The following ROCK2 variants were observed in gnomAD, a reference collection of about 807,000 sequenced individuals.
ROCK2 encodes Rho associated coiled-coil containing protein kinase 2.
ROCK2 carries 61 observed loss-of-function variants against 195.1 expected under a neutral mutation model. The ratio of observed to expected loss-of-function variants is 0.31; its 90% CI spans 0.25 to 0.39. ROCK2 has a LOEUF of 0.39. Ranked by LOEUF, ROCK2 falls within the 10% of genes least tolerant of loss-of-function variation. The pLI, the probability that ROCK2 is intolerant of heterozygous loss-of-function variation, is 1.00. For missense variants in ROCK2, 1,109 were observed against 1,637.4 expected (o/e 0.68, Z 5.57); for synonymous variants, 504 against 545.5 (o/e 0.92, Z 1.06).
chr2:11,221,892 C>T (rs1315544341), intron 8 of ROCK2, among the ~76,000 whole-genome samples, 191 bp downstream of exon 8: 8 of 152,040 alleles, frequency 5.3e-5, no homozygotes, highest in Non-Finnish European at 8.8e-5. Context: ...AGAAATATTG[C>T]TAATAGTTTG....
chr2:11,248,234 G>T (rs1163274210), intron 4 of ROCK2, among the ~76,000 whole-genome samples: 1 of 149,800 alleles, frequency 6.7e-6, no homozygotes, highest in African/African-American at 2.5e-5. Flanking sequence ...TGGGGGGAGG[G>T]GAATCTGAAC....
At chr2:11,305,732 C>T (rs1260283017) in intron 1 of ROCK2, among the ~76,000 whole-genome samples, 1 of 152,186 alleles carries the variant, frequency 6.6e-6, no homozygotes, top group Non-Finnish European at 1.5e-5. Context: ...TAGAGCTATA[C>T]ATACACAATG....
At chr2:11,184,699 C>T in intron 32 of ROCK2, 1 of 982,762 alleles carries the variant, frequency 1.0e-6, no homozygotes, top group African/African-American at 1.7e-5. Context: ...AAAACATCGT[C>T]ATCATCATCA....
chr2:11,216,170 C>A lies in ROCK2; in HGVS notation c.1449G>T (p.Glu483Asp). Reference protein sequence around the residue: ...VNTRLEKTAKELEEEITLRKS... With the variant: ...VNTRLEKTAKDLEEEITLRKS... ...GGGGCAACTTTACCTCCTCTTCTAG[C>A]TCCTTTGCTGTTTTTTCTAGGCGAG... The change falls in exon 13 of 33, where the codon GAG (glutamate) becomes GAT (aspartate). Residue 483 changes from glutamate (E) to aspartate (D), a missense_variant. Coordinates refer to ENST00000315872, the MANE Select transcript of ROCK2 (RefSeq NM_004850.5). 6.2e-7 allele frequency: 1 copy of A among 1,612,986 alleles called. No individual in the cohort carries two copies. The highest frequency in any genetic ancestry group is 8.5e-7 in the Non-Finnish European group (1 of 1,179,132).
intron 1 of ROCK2, among the ~76,000 whole-genome samples, chr2:11,328,150 T>C (rs572190599): frequency 6.6e-6 from 1 of 151,944 alleles, no homozygotes; most frequent in African/African-American, 2.4e-5. Flanking sequence ...CCACCAAGAC[T>C]TTGTCTTACT....
chr2:11,313,283 C>G (rs1445998566), intron 1 of ROCK2, among the ~76,000 whole-genome samples: 5 of 151,984 alleles, frequency 3.3e-5, no homozygotes, highest in South Asian at 2.1e-4. Context: ...TACAACTGTT[C>G]TAGTCTATTA....
At chr2:11,236,270 A>G (rs919625926) in intron 4 of ROCK2, among the ~76,000 whole-genome samples, 5 of 152,192 alleles carry the variant, frequency 3.3e-5, no homozygotes, top group Non-Finnish European at 7.4e-5. Flanking sequence ...AAGGAACATT[A>G]AAGGTGAAAG....
chr2:11,234,367 G>A (rs1408383977), intron 5 of ROCK2: 2 of 151,998 alleles, frequency 1.3e-5, no homozygotes, highest in Non-Finnish European at 2.9e-5. Flanking sequence ...AATGAAAATC[G>A]CAATACATTC....
chr2:11,342,368 A>G (rs1669133464), intron 1 of ROCK2, among the ~76,000 whole-genome samples: 1 of 152,250 alleles, frequency 6.6e-6, no homozygotes, highest in Non-Finnish European at 1.5e-5. Flanking sequence ...CTCCATTTTA[A>G]TAATTTGGAA....
chr2:11,201,270 T>C lies in ROCK2; in HGVS notation c.2723+40A>G. 6.5e-7 allele frequency: 1 copy of C among 1,532,392 alleles called. No individual in the cohort carries two copies. The highest frequency in any genetic ancestry group is 9.0e-7 in the Non-Finnish European group (1 of 1,108,020). 94.9% of individuals were successfully genotyped at this position (1,532,392 alleles called of 1,614,324 possible). A position where few individuals can be genotyped will look rare whatever the true frequency, so the allele number is the denominator to read the frequency against. On this transcript the variant is annotated intron_variant, in intron 22 of 32. Coordinates refer to ENST00000315872, the MANE Select transcript of ROCK2 (RefSeq NM_004850.5). This position sits in a 1 kb window ranked among gnomAD's most constrained non-coding sequence, Gnocchi z 4.6. ...CAGGCATTGTTCTAGGAGCAAAGTA[T>C]ACAGCTATGAACAAAAAGAGACAAG...
rs1448212310 is a variant in ROCK2, at chr2:11,214,976, T to C, written c.1800A>G (p.Arg600=). 3 of 1,614,136 alleles carry C rather than the reference T, an allele frequency of 1.9e-6. No individual in the cohort carries two copies. The highest frequency in any genetic ancestry group is 3.3e-5 in the Admixed American group (2 of 60,022). The change falls in exon 16 of 33, where the codon AGA becomes AGG. Residue 600 remains arginine, a synonymous_variant. Coordinates refer to ENST00000315872, the MANE Select transcript of ROCK2 (RefSeq NM_004850.5). ...KQIQQLESNN[R]DLQDKNCLLE... is the part of the protein sequence containing the mutation. The stretch of plus-strand genomic sequence containing the variant: ...GCAGGCAGTTTTTATCTTGTAGATC[T>C]CTATTGTTAGATTCCAGCTGCTGAA...
intron 1 of ROCK2, among the ~76,000 whole-genome samples, chr2:11,295,817 C>T (rs1267227161): frequency 6.6e-6 from 1 of 151,870 alleles, no homozygotes; most frequent in Non-Finnish European, 1.5e-5. Flanking sequence ...ATTAGCCAGG[C>T]GTGGTGGTAC....
intron 1 of ROCK2, among the ~76,000 whole-genome samples, chr2:11,321,331 G>A (rs1379561792): frequency 2.0e-5 from 3 of 151,710 alleles, no homozygotes; most frequent in African/African-American, 4.8e-5. Flanking sequence ...GCACGCCACC[G>A]CACCGGGCTA....
At chr2:11,290,791 C>T (rs1291311927) in intron 1 of ROCK2, among the ~76,000 whole-genome samples, 1 of 152,084 alleles carries the variant, frequency 6.6e-6, no homozygotes, top group Non-Finnish European at 1.5e-5. Context: ...AATCAGTACC[C>T]GGAGTGAAAA....
chr2:11,329,051 AAAACTT>A (rs1451003661), intron 1 of ROCK2, among the ~76,000 whole-genome samples: 3 of 151,726 alleles, frequency 2.0e-5, no homozygotes, highest in Non-Finnish European at 2.9e-5. Context: ...CATGTACCCT[AAAACTT>A]AAAGTATAAT....
chr2:11,263,523 T>C (rs1179078969), intron 3 of ROCK2, among the ~76,000 whole-genome samples: 2 of 151,882 alleles, frequency 1.3e-5, no homozygotes, highest in African/African-American at 2.4e-5. Context: ...AAGTGAACTA[T>C]GTAGAACAGC....
rs754324804 is a variant in ROCK2 at position 11,198,500 on chromosome 2, G to C, written c.3090C>G (p.Leu1030=). 31 of 1,603,324 alleles carry C rather than the reference G, an allele frequency of 1.9e-5. No individual in the cohort carries two copies. The highest frequency in any genetic ancestry group is 2.7e-5 in the African/African-American group (2 of 74,688). Residue 1030 remains leucine (L), a synonymous_variant, in exon 25 of 33, where the codon CTC becomes CTG. Transcript: ENST00000315872. The part of the protein sequence containing the change: ...FEKQLLTERT[L]KTQAVNKLAE... ...ATTCTATTATACATACTTGAGTTTTGAGTGTTCTTTCTGTTAATAGCTGCT... is the reference window on the plus strand; with the variant it reads ...ATTCTATTATACATACTTGAGTTTTCAGTGTTCTTTCTGTTAATAGCTGCT...
intron 15 of ROCK2, 48 bp from the exon 16 acceptor site, chr2:11,215,134 T>TGTAATGAAAATAAGTCAATGTATTC: frequency 6.3e-7 from 1 of 1,598,090 alleles, no homozygotes; most frequent in African/African-American, 1.3e-5. Flanking sequence ...CACACATGTA[T>TGTAATGAAAATAAGTCAATGTATTC]GTAATGAAAA....
At chr2:11,239,810 G>A (rs1046469972) in intron 4 of ROCK2, among the ~76,000 whole-genome samples, 6 of 152,112 alleles carry the variant, frequency 3.9e-5, no homozygotes, top group Non-Finnish European at 8.8e-5. Context: ...CTGCACTTTG[G>A]GGATCCCCAG....
Sources: allele counts gnomAD v4.1 joint callset (sites outside exome capture counted in the v4.1 genomes callset), GRCh38; gene constraint gnomAD v4.1.1; non-coding constraint Gnocchi (gnomAD v3.1); transcripts MANE v1.5; gene names NCBI Gene and HGNC (gene_info 2026-07-23, HGNC 2026-07-21).